Variants in TRA2A observed in about 807,000 individuals in gnomAD.
TRA2A encodes transformer-2 protein homolog alpha.
TRA2A carries 31 observed loss-of-function variants against 45.7 expected under a neutral mutation model. That is an observed-to-expected ratio of 0.68 (90% CI 0.51 to 0.92). The LOEUF (loss-of-function observed/expected upper bound fraction) is 0.92, where lower values mean the gene tolerates loss of function less well. Ranked by LOEUF, TRA2A falls within the 40% of genes least tolerant of loss-of-function variation. The pLI is 0.00. For missense variants in TRA2A, 304 were observed against 367.5 expected (o/e 0.83, Z 1.41); for synonymous variants, 132 against 126.2 (o/e 1.05, Z -0.31).
Position 23,516,464 on chromosome 7 carries a change from T to C in TRA2A, c.235A>G (p.Arg79Gly), listed in dbSNP as rs1789876435. 3 of 1,614,248 alleles carry C rather than the reference T, an allele frequency of 1.9e-6. No homozygotes were observed. The highest frequency in any genetic ancestry group is 2.5e-6 in the Non-Finnish European group (3 of 1,180,026). The change falls in exon 3 of 8, where the codon AGG becomes GGG. Residue 79 changes from arginine to glycine, a missense_variant. Arg to Gly is a moderately radical substitution (Grantham distance 125, BLOSUM62 -2). Coordinates refer to ENST00000297071, the MANE Select transcript of TRA2A (RefSeq NM_013293.5). ...TRSRSHSHSH[R>G]RRSRSRSYTP... is the part of the protein sequence containing the mutation. ...TATGATCTACTTCGAGATCGTCTCC[T>C]ATGAGAGTGAGAGTGGGATCTGGAT...
chr7:23,515,948 G>A (rs993747201), intron 3 of TRA2A, among the ~76,000 whole-genome samples: 6 of 151,952 alleles, frequency 3.9e-5, no homozygotes, highest in African/African-American at 1.4e-4. Context: ...GCCAAGGCAG[G>A]TGGATCACCT....
chr7:23,522,268 TA>T (rs1305288164), intron 1 of TRA2A: 30 of 1,110,928 alleles, frequency 2.7e-5, no homozygotes, highest in South Asian at 2.2e-5. Flanking sequence ...AAAATAGCCT[TA>T]AAAAAATATT....
In TRA2A at chr7:23,508,637, G is replaced by C. The variant is rs1447909690; in HGVS notation, c.526-1102C>G. 2.6e-5 allele frequency among the ~76,000 whole-genome samples: 4 copies of C among 152,272 alleles called. No homozygotes were observed. The East Asian group carries it at 7.7e-4, about 29-fold the overall frequency. On this transcript the variant is annotated intron_variant, in intron 4 of 7. Coordinates refer to ENST00000297071, the MANE Select transcript of TRA2A (RefSeq NM_013293.5). ...AGCCTCCCAAGTAGCTGGGACTACA[G>C]GCATGCGCCACCATGCCCAGCTAAT...
intron 1 of TRA2A, among the ~76,000 whole-genome samples, chr7:23,522,792 A>C (rs1308292953): frequency 6.6e-6 from 1 of 152,130 alleles, no homozygotes; most frequent in African/African-American, 2.4e-5. Flanking sequence ...TTATAATCTG[A>C]AGATTCTTAA....
chr7:23,525,811 G>C (rs1442295026), intron 1 of TRA2A, among the ~76,000 whole-genome samples: 3 of 152,144 alleles, frequency 2.0e-5, no homozygotes, highest in Non-Finnish European at 4.4e-5. Context: ...GGCCAGGCTG[G>C]CCTCGAACTC....
In TRA2A at chr7:23,505,274, C is replaced by G. The variant is rs1407234436; in HGVS notation, c.*285G>C. The G allele has an allele frequency of 2.9e-6, 1 of 339,414 alleles. No homozygotes were observed. The highest frequency in any genetic ancestry group is 2.1e-5 in the African/African-American group (1 of 47,280). The allele number at this position is 339,414 out of a possible 1,614,324, so 21.0% of individuals were successfully genotyped here. A position where few individuals can be genotyped will look rare whatever the true frequency, so the allele number is the denominator to read the frequency against. On this transcript the variant is annotated 3_prime_UTR_variant, in exon 8 of 8. Coordinates refer to ENST00000297071, the MANE Select transcript of TRA2A (RefSeq NM_013293.5). ...CTTATTTGATTAGCTAGAAGTTTAT[C>G]TAGGTAAAAGCAAAAAAAAAAATTT...
intron 5 of TRA2A, among the ~76,000 whole-genome samples, chr7:23,506,638 T>TGTA (rs1260170571): frequency 6.6e-6 from 1 of 152,102 alleles, no homozygotes; most frequent in Non-Finnish European, 1.5e-5. Context: ...GAATAAAAGG[T>TGTA]GTATCCCTGT....
At chr7:23,531,391 G>A (rs1457040860) in intron 1 of TRA2A, 1 of 336,956 alleles carries the variant, frequency 3.0e-6, no homozygotes, top group Non-Finnish European at 4.6e-6. Flanking sequence ...GGGGTCGCCA[G>A]AAATGCCACC....
chr7:23,520,655 C>T (rs937219325), intron 2 of TRA2A, among the ~76,000 whole-genome samples: 5 of 150,440 alleles, frequency 3.3e-5, no homozygotes, highest in East Asian at 3.9e-4. Context: ...ATGACAAGGA[C>T]GTAAGCTAAC....
At chr7:23,530,564 T>A (rs1790533292) in intron 1 of TRA2A, among the ~76,000 whole-genome samples, 1 of 152,182 alleles carries the variant, frequency 6.6e-6, no homozygotes. Flanking sequence ...GGGGCTTTTG[T>A]TTTCTTTCCA....
intron 2 of TRA2A, among the ~76,000 whole-genome samples, chr7:23,518,229 C>A (rs1302000346): frequency 6.6e-6 from 1 of 151,990 alleles, no homozygotes; most frequent in Non-Finnish European, 1.5e-5. Flanking sequence ...CCATAAAGTT[C>A]TACATTCCCC....
At chr7:23,509,833 T>C (rs1369950080) in intron 4 of TRA2A, among the ~76,000 whole-genome samples, 1 of 151,894 alleles carries the variant, frequency 6.6e-6, no homozygotes, top group Non-Finnish European at 1.5e-5. Context: ...GAGGCTAGCC[T>C]GGGCAATGGG....
chr7:23,511,310 G>A (rs1243848018), intron 4 of TRA2A, among the ~76,000 whole-genome samples: 1 of 140,560 alleles, frequency 7.1e-6, no homozygotes. Flanking sequence ...GGTAGAGCTT[G>A]CAGTGAGCTG....
chr7:23,516,609 A>G, intron 2 of TRA2A, 81 bp from the exon 3 acceptor site: 2 of 1,251,322 alleles, frequency 1.6e-6, no homozygotes. Context: ...GTATACATAT[A>G]TCCCTAACTA....
At chr7:23,527,942 G>C (rs1388326959) in intron 1 of TRA2A, among the ~76,000 whole-genome samples, 1 of 152,218 alleles carries the variant, frequency 6.6e-6, no homozygotes, top group Middle Eastern at 3.4e-3. Context: ...TGCTTAAATG[G>C]AAGGGGAGAG....
chr7:23,506,218 A>ACCACCT lies in TRA2A; in HGVS notation c.684_689dup (p.Gly230_Gly231dup), dbSNP rs746989115. ...CATAGTAAGAATCTCGACGTCTGCC[A>ACCACCT]CCACCTCCACCTCCACCGCCGCCGC... is the stretch of plus-strand genomic sequence containing the variant. On this transcript the variant is annotated inframe_insertion, in exon 6 of 8. Coordinates refer to ENST00000297071, the MANE Select transcript of TRA2A (RefSeq NM_013293.5). 8 of 1,613,134 alleles carry ACCACCT rather than the reference A, an allele frequency of 5.0e-6. No homozygotes were observed. In the South Asian group the frequency reaches 5.5e-5, roughly 11 times the overall value.
At chr7:23,513,409 G>A (rs1789714623) in intron 3 of TRA2A, among the ~76,000 whole-genome samples, 1 of 152,150 alleles carries the variant, frequency 6.6e-6, no homozygotes, top group Non-Finnish European at 1.5e-5. Context: ...CCTGAGGTTA[G>A]GAGTTCGAGA....
chr7:23,525,836 T>C (rs2128000057), intron 1 of TRA2A, among the ~76,000 whole-genome samples: 1 of 152,228 alleles, frequency 6.6e-6, no homozygotes, highest in South Asian at 2.1e-4. Flanking sequence ...CCTCAAGTGA[T>C]CCACCCGCCT....
In TRA2A at chr7:23,531,858, AC is replaced by A; in HGVS notation, c.-35del. The A allele has an allele frequency of 6.2e-7, 1 of 1,613,154 alleles. No individual in the cohort carries two copies. The highest frequency in any genetic ancestry group is 1.1e-5 in the South Asian group (1 of 91,078). On this transcript the variant is annotated 5_prime_UTR_variant, in exon 1 of 8. Coordinates refer to ENST00000297071, the MANE Select transcript of TRA2A (RefSeq NM_013293.5). ...GGCGCTCCCCAGAACTAAATAAGAG[AC>A]AAGTCTCGGCTCGAGGGCCGATGGC...
Sources: allele counts gnomAD v4.1 joint callset (sites outside exome capture counted in the v4.1 genomes callset), GRCh38; gene constraint gnomAD v4.1.1; transcripts MANE v1.5; gene names NCBI Gene and HGNC (gene_info 2026-07-23, HGNC 2026-07-21).